Variants in SLC47A2 observed in about 807,000 individuals in gnomAD.
The protein encoded by SLC47A2 is solute carrier family 47 member 2.
SLC47A2 carries 52 observed loss-of-function variants against 67.7 expected under a neutral mutation model. The observed-to-expected ratio is 0.77, with a 90% CI of 0.61 to 0.97. SLC47A2 has a LOEUF of 0.97. SLC47A2 is among the 50% of genes least tolerant of loss of function. The probability of loss-of-function intolerance (pLI) is 0.00; values close to 1 mark genes in which losing one functional copy is unlikely to be tolerated. For synonymous variants in SLC47A2, 278 were observed against 292.9 expected (o/e 0.95, Z 0.52); for missense variants, 676 against 712.3 (o/e 0.95, Z 0.58).
intron 6 of SLC47A2, 128 bp from the exon 7 acceptor site, chr17:19,708,527 G>A (rs2086007815): frequency 6.2e-7 from 1 of 1,613,238 alleles, no homozygotes; most frequent in South Asian, 1.1e-5. Context: ...AGTTGGAAGA[G>A]GCTGGGACGC....
At chr17:19,709,480 C>G (rs539171609) in intron 5 of SLC47A2, among the ~76,000 whole-genome samples, 4 of 152,090 alleles carry the variant, frequency 2.6e-5, no homozygotes, top group African/African-American at 9.7e-5. Flanking sequence ...TGGAATAGAC[C>G]GGGTTTAATT....
chr17:19,684,284 A>G (rs2085373388), intron 13 of SLC47A2, among the ~76,000 whole-genome samples: 1 of 152,218 alleles, frequency 6.6e-6, no homozygotes, highest in Non-Finnish European at 1.5e-5. Flanking sequence ...GATGCCTGCC[A>G]GAAATAAAAC....
chr17:19,687,060 TA>T (rs1209951074), intron 13 of SLC47A2, among the ~76,000 whole-genome samples: 1 of 152,144 alleles, frequency 6.6e-6, no homozygotes, highest in Admixed American at 6.5e-5. Flanking sequence ...AAACAAGTCT[TA>T]AAAAATTCAG....
At position 19,703,094 on chromosome 17, in the gene SLC47A2, A is replaced by G. The variant is rs1484363439; in HGVS notation, c.1092T>C (p.Asp364=). ...KNQLGHIFTN[D]EDVIALVSQV... is the part of the protein sequence containing the mutation. ...AGCACAGAAAACTGATTACCTACTC[A>G]TCATTGGTAAAAATATGCCCCAGCT... The change falls in exon 12 of 17, where the codon GAT becomes GAC. Residue 364 remains aspartate (D), a splice_region_variant and synonymous_variant. Coordinates refer to ENST00000433844, the MANE Select transcript of SLC47A2 (RefSeq NM_001099646.3). 1.2e-6 allele frequency: 2 copies of G among 1,614,030 alleles called. No individual in the cohort carries two copies. Among genetic ancestry groups the G allele is most frequent in the Admixed American group, 1.7e-5 (1 of 60,024 alleles).
intron 13 of SLC47A2, among the ~76,000 whole-genome samples, chr17:19,698,339 G>A (rs1007360287): frequency 3.3e-5 from 5 of 152,028 alleles, no homozygotes; most frequent in East Asian, 3.9e-4. Flanking sequence ...GTTACTTCTC[G>A]TATCAGTACT....
chr17:19,707,877 T>G lies in SLC47A2; in HGVS notation c.630-34A>C, dbSNP rs747435508. ...GGAGGGAGAACAGGGCTGCGACTGA[T>G]GCCAACTCTCTGCCACCGCCCTGCC... On this transcript the variant is annotated intron_variant, in intron 7 of 16. Transcript: ENST00000433844. 6.5e-6 allele frequency: 10 copies of G among 1,545,466 alleles called. No homozygotes were observed. In the African/African-American group the frequency reaches 1.4e-4, roughly 21 times the overall value.
chr17:19,681,395 C>A lies in SLC47A2; in HGVS notation c.1364G>T (p.Arg455Leu), dbSNP rs570002397. Reference protein sequence around the residue: ...ATAAFVAYTARLDWKLAAEEA... With the variant: ...ATAAFVAYTALLDWKLAAEEA... ...CTCTGCAGCAAGCTTCCAGTCCAGCCGGGCAGTATAAGCAACAAAGGCAGC... is the reference window on the plus strand; with the variant it reads ...CTCTGCAGCAAGCTTCCAGTCCAGCAGGGCAGTATAAGCAACAAAGGCAGC... The change falls in exon 15 of 17, where the codon CGG (arginine) becomes CTG (leucine). Residue 455 changes from arginine to leucine, a missense_variant. Physicochemically the swap from Arg to Leu is moderately radical, Grantham distance 102. Coordinates refer to ENST00000433844, the MANE Select transcript of SLC47A2 (RefSeq NM_001099646.3). 1.9e-6 allele frequency: 3 copies of A among 1,611,986 alleles called. No individual in the cohort carries two copies. Among genetic ancestry groups the A allele is most frequent in the Non-Finnish European group, 2.5e-6 (3 of 1,179,028 alleles).
Position 19,680,330 on chromosome 17 carries a change from A to C in SLC47A2, c.1393-291T>G, listed in dbSNP as rs150857799. On this transcript the variant is annotated intron_variant, in intron 15 of 16. Coordinates refer to ENST00000433844, the MANE Select transcript of SLC47A2 (RefSeq NM_001099646.3). ...CTGTCTCTACCAAAAATACTAAAAA[A>C]TTAGCTGGGCATGGTGGCGCATGTC... Among the ~76,000 whole-genome samples, 30 of 152,096 alleles carry C rather than the reference A, an allele frequency of 2.0e-4. No homozygotes were observed. The East Asian group carries it at 4.1e-3, about 21-fold the overall frequency.
At chr17:19,691,658 TAGAA>T (rs570824887) in intron 13 of SLC47A2, among the ~76,000 whole-genome samples, 218 of 152,262 alleles carry the variant, frequency 1.4e-3, no homozygotes, top group Non-Finnish European at 2.6e-3. Context: ...TGTAGTTAGA[TAGAA>T]TGAATAAGAT....
chr17:19,711,438 A>G (rs1388324112), intron 5 of SLC47A2, among the ~76,000 whole-genome samples: 1 of 151,608 alleles, frequency 6.6e-6, no homozygotes, highest in African/African-American at 2.4e-5. Context: ...CTAAAAATAC[A>G]AAAATTAGCT....
chr17:19,713,098 A>G (rs2152362534), intron 4 of SLC47A2, among the ~76,000 whole-genome samples: 1 of 152,364 alleles, frequency 6.6e-6, no homozygotes, highest in South Asian at 2.1e-4. Flanking sequence ...AAATTTAATA[A>G]TAAACTATAG....
At chr17:19,682,187 GA>G (rs1290591607) in intron 13 of SLC47A2, among the ~76,000 whole-genome samples, 2 of 152,076 alleles carry the variant, frequency 1.3e-5, no homozygotes, top group Non-Finnish European at 2.9e-5. Context: ...CTAAAATGGT[GA>G]AACCCCATCT....
intron 13 of SLC47A2, among the ~76,000 whole-genome samples, chr17:19,693,133 A>G (rs1217401251): frequency 2.6e-5 from 4 of 152,166 alleles, no homozygotes; most frequent in African/African-American, 9.7e-5. Flanking sequence ...CTGTCTCAAA[A>G]AAAAAGAGGT....
chr17:19,678,987 T>A, intron 16 of SLC47A2, 81 bp from the exon 17 acceptor site: 1 of 1,197,138 alleles, frequency 8.4e-7, no homozygotes, highest in Non-Finnish European at 1.2e-6. Context: ...AAACCTAGGT[T>A]AACCACCTGG....
intron 9 of SLC47A2, among the ~76,000 whole-genome samples, chr17:19,705,952 C>G (rs1048388529): frequency 4.6e-5 from 7 of 152,184 alleles, no homozygotes; most frequent in African/African-American, 1.4e-4. Context: ...TCCTGCCTGG[C>G]CTTCAGCCTG....
At chr17:19,714,818 G>A in intron 2 of SLC47A2, 29 bp from the exon 3 acceptor site, 1 of 1,613,792 alleles carries the variant, frequency 6.2e-7, no homozygotes, top group Non-Finnish European at 8.5e-7. Flanking sequence ...GGAAACAAGA[G>A]CTTGTCAGGT....
Position 19,706,651 on chromosome 17 carries a change from T to A in SLC47A2, c.838A>T (p.Met280Leu). The A allele has an allele frequency of 6.3e-7, 1 of 1,594,904 alleles. No individual in the cohort carries two copies. Among genetic ancestry groups the A allele is most frequent in the South Asian group, 1.1e-5 (1 of 88,826 alleles). ...WWAYEIGSFL[M>L]GLLSVVDLSA... ...CCCCCCATCCTCTTCCACGTACCCATGAGGAAGCTCCCGATCTCATAGGCC... is the reference window on the plus strand; with the variant it reads ...CCCCCCATCCTCTTCCACGTACCCAAGAGGAAGCTCCCGATCTCATAGGCC... The change falls in exon 9 of 17, where the codon ATG (methionine) becomes TTG (leucine). Residue 280 changes from methionine (M) to leucine (L), a missense_variant. Met to Leu is a conservative substitution (Grantham distance 15). Coordinates refer to ENST00000433844, the MANE Select transcript of SLC47A2 (RefSeq NM_001099646.3).
At chr17:19,692,236 A>AG (rs1567620439) in intron 13 of SLC47A2, 1 of 421,878 alleles carries the variant, frequency 2.4e-6, no homozygotes, top group African/African-American at 2.1e-5. Flanking sequence ...TCAAAAAAAA[A>AG]AAAAAGAAAA....
At chr17:19,712,419 C>T (rs2086125440) in intron 5 of SLC47A2, among the ~76,000 whole-genome samples, 1 of 152,168 alleles carries the variant, frequency 6.6e-6, no homozygotes, top group Admixed American at 6.5e-5. Context: ...GAGATAGTAA[C>T]ATATGTTCTC....
Sources: gnomAD v4.1 joint callset for allele counts (sites outside exome capture counted in the v4.1 genomes callset) on GRCh38, gnomAD v4.1.1 for gene constraint, MANE v1.5 for transcripts, NCBI Gene and HGNC (gene_info 2026-07-23, HGNC 2026-07-21) for gene names.